CRHBP: variants seen among roughly 807,000 people sequenced by gnomAD.
CRHBP encodes corticotropin-releasing hormone-binding protein.
CRHBP carries 19 observed loss-of-function variants against 34.9 expected under a neutral mutation model. The observed-to-expected ratio is 0.55, with a 90% confidence interval of 0.38 to 0.80. CRHBP has a LOEUF of 0.80. CRHBP is among the 30% of genes least tolerant of loss of function. The probability of loss-of-function intolerance (pLI) is 0.00; values close to 1 mark genes in which losing one functional copy is unlikely to be tolerated. For synonymous variants in CRHBP, 154 were observed against 153.4 expected (o/e 1.00, Z -0.03); for missense variants, 328 against 409.2 (o/e 0.80, Z 1.71).
intron 3 of CRHBP, 102 bp from the exon 4 acceptor site, chr5:76,955,551 C>A: frequency 2.1e-6 from 2 of 970,632 alleles, no homozygotes; most frequent in Non-Finnish European, 1.5e-6. Flanking sequence ...TCACTTATGA[C>A]TGAAGGCCCA....
chr5:76,971,079 G>A (rs1042120473), downstream of CRHBP, among the ~76,000 whole-genome samples: 13 of 152,184 alleles, frequency 8.5e-5, no homozygotes, highest in Non-Finnish European at 2.9e-5. Flanking sequence ...TTTATAGGTT[G>A]TGTCTTCATT....
chr5:76,965,916 G>A (rs545472716), intron 6 of CRHBP, among the ~76,000 whole-genome samples: 7 of 152,336 alleles, frequency 4.6e-5, no homozygotes, highest in Admixed American at 1.3e-4. Context: ...CAAAGTAGCC[G>A]AAGCAGGGAT....
chr5:76,978,010 A>G (rs892387064), intron 3 of CRHBP, among the ~76,000 whole-genome samples: 1 of 152,234 alleles, frequency 6.6e-6, no homozygotes, highest in African/African-American at 2.4e-5. Context: ...CTTTAAGCCA[A>G]AACCTAATCC....
In CRHBP at chr5:76,955,689, C is replaced by A; in HGVS notation, c.370C>A (p.Pro124Thr). 6.2e-7 allele frequency: 1 copy of A among 1,614,066 alleles called. No homozygotes were observed. The highest frequency in any genetic ancestry group is 8.5e-7 in the Non-Finnish European group (1 of 1,180,006). The change falls in exon 4 of 7, where the codon CCC (proline) becomes ACC (threonine). Residue 124 changes from proline to threonine, a missense_variant. By Grantham distance (38) the Pro-to-Thr change is conservative (BLOSUM62 -1). Coordinates refer to ENST00000274368, the MANE Select transcript of CRHBP (RefSeq NM_001882.4). ...DGWILKGEKFPSSQDHPLPSA... is the reference protein window; with the variant it reads ...DGWILKGEKFTSSQDHPLPSA... The stretch of plus-strand genomic sequence containing the variant: ...TTGGATTCTCAAGGGGGAGAAGTTC[C>A]CCAGTTCCCAGGATCATCCTCTCCC...
intron 6 of CRHBP, among the ~76,000 whole-genome samples, chr5:76,967,535 T>C (rs909360808): frequency 6.6e-5 from 10 of 152,082 alleles, no homozygotes; most frequent in African/African-American, 2.4e-4. Flanking sequence ...GCAGAAATGA[T>C]TATTGTAGAG....
chr5:76,961,285 T>C (rs1246168417), intron 5 of CRHBP, among the ~76,000 whole-genome samples: 1 of 152,192 alleles, frequency 6.6e-6, no homozygotes, highest in East Asian at 1.9e-4. Flanking sequence ...CTTGTTTCTT[T>C]GTTTTGTTCC....
At chr5:76,973,576 T>C (rs1745979088), downstream of CRHBP, among the ~76,000 whole-genome samples, 1 of 152,228 alleles carries the variant, frequency 6.6e-6, no homozygotes. Flanking sequence ...AATTGCCCTC[T>C]CTTCAATATT....
chr5:76,975,803 C>CAAAAAAAAA (rs1158363151), intron 2 of CRHBP, among the ~76,000 whole-genome samples: 13 of 35,218 alleles, frequency 3.7e-4, no homozygotes, highest in East Asian at 1.3e-3. Context: ...GACTCTGTCT[C>CAAAAAAAAA]AAAAAAAAAA....
At chr5:76,961,835 C>T (rs899186301) in intron 5 of CRHBP, among the ~76,000 whole-genome samples, 2 of 152,136 alleles carry the variant, frequency 1.3e-5, no homozygotes, top group African/African-American at 4.8e-5. Flanking sequence ...CTCACTGCAA[C>T]CTCTGCCTCC....
At chr5:76,968,321 C>T (rs1417274760) in intron 6 of CRHBP, among the ~76,000 whole-genome samples, 4 of 151,582 alleles carry the variant, frequency 2.6e-5, no homozygotes, top group Non-Finnish European at 5.9e-5. Flanking sequence ...CTGCAAATTT[C>T]CGACCTGTCC....
chr5:76,975,825 A>AAAAAAATAT, intron 2 of CRHBP, among the ~76,000 whole-genome samples: 3 of 61,852 alleles, frequency 4.9e-5, no homozygotes, highest in African/African-American at 9.1e-5. Flanking sequence ...AAAAAAAAAA[A>AAAAAAATAT]ATATATATAT....
At chr5:76,955,244 T>C (rs1405422661) in intron 3 of CRHBP, among the ~76,000 whole-genome samples, 1 of 152,230 alleles carries the variant, frequency 6.6e-6, no homozygotes, top group African/African-American at 2.4e-5. Flanking sequence ...ATTTTCAAGA[T>C]ATTTTGTTCA....
At chr5:76,960,767 T>C (rs2150706873) in intron 5 of CRHBP, among the ~76,000 whole-genome samples, 1 of 136,466 alleles carries the variant, frequency 7.3e-6, no homozygotes, top group African/African-American at 2.9e-5. Context: ...TGTTTTTTGT[T>C]TTTTGTTTTT....
At chr5:76,953,493 T>A (rs1745606095) in intron 1 of CRHBP, 108 bp from the exon 2 acceptor site, 3 of 1,136,466 alleles carry the variant, frequency 2.6e-6, no homozygotes, top group Non-Finnish European at 3.9e-6. Context: ...ACATTACCCC[T>A]CTCTCTTTAT....
intron 5 of CRHBP, 86 bp from the exon 6 acceptor site, chr5:76,963,257 T>C: frequency 9.7e-7 from 1 of 1,027,948 alleles, no homozygotes; most frequent in South Asian, 1.3e-5. Flanking sequence ...GCTGATTGAG[T>C]GAATTCATGG....
rs1261414316 is a variant in CRHBP, at chr5:76,961,423, G to T, written c.694-1920G>T. ...ATAAAACTAAGTGGAAAATTTAGTT[G>T]TAAGAGATGTTCCTCCTGGACATCC... On this transcript the variant is annotated intron_variant, in intron 5 of 6. Coordinates refer to ENST00000274368, the MANE Select transcript of CRHBP (RefSeq NM_001882.4). Among the ~76,000 whole-genome samples, 5 of 152,292 alleles carry T rather than the reference G, an allele frequency of 3.3e-5. No homozygotes were observed. In the South Asian group the frequency reaches 1.0e-3, roughly 32 times the overall value.
intron 6 of CRHBP, 105 bp downstream of exon 6, chr5:76,963,565 C>G: frequency 1.0e-6 from 1 of 986,728 alleles, no homozygotes; most frequent in Non-Finnish European, 1.5e-6. Flanking sequence ...GCCAAAAAAG[C>G]CTTCAATTTT....
intron 3 of CRHBP, among the ~76,000 whole-genome samples, chr5:76,980,209 C>T (rs1305122415): frequency 2.2e-5 from 3 of 135,554 alleles, no homozygotes; most frequent in Non-Finnish European, 4.6e-5. Flanking sequence ...GAGCCGAGAT[C>T]GCGCCACTGC....
intron 4 of CRHBP, among the ~76,000 whole-genome samples, chr5:76,956,379 A>G (rs1745669076): frequency 6.6e-6 from 1 of 152,214 alleles, no homozygotes; most frequent in Admixed American, 6.5e-5. Flanking sequence ...CAATTCATTT[A>G]TGATGGACAC....
Sources: gnomAD v4.1 joint callset for allele counts (sites outside exome capture counted in the v4.1 genomes callset) on GRCh38, gnomAD v4.1.1 for gene constraint, MANE v1.5 for transcripts, NCBI Gene and HGNC (gene_info 2026-07-23, HGNC 2026-07-21) for gene names.